Variants in RNF13 observed in about 807,000 individuals in gnomAD.
The protein encoded by RNF13 is E3 ubiquitin-protein ligase RNF13.
A neutral mutation model predicts 37.7 loss-of-function variants in RNF13; 19 were observed. The observed-to-expected ratio is 0.50, with a 90% CI of 0.35 to 0.74. The LOEUF is 0.74. RNF13 is among the 30% of genes least tolerant of loss of function. RNF13 has a pLI of 0.01. For synonymous variants in RNF13, 144 were observed against 157.8 expected (o/e 0.91, Z 0.65); for missense variants, 375 against 453.0 (o/e 0.83, Z 1.56).
intron 8 of RNF13, among the ~76,000 whole-genome samples, chr3:149,946,690 G>A (rs1335316139): frequency 6.6e-6 from 1 of 152,090 alleles, no homozygotes. Flanking sequence ...AGCTATTTCA[G>A]TCTTCTCTCC....
chr3:149,858,489 C>T (rs1358205340), intron 3 of RNF13, among the ~76,000 whole-genome samples: 2 of 152,174 alleles, frequency 1.3e-5, no homozygotes, highest in African/African-American at 2.4e-5. Context: ...CAAGATTTAT[C>T]TCTGATAAGG....
chr3:149,903,224 A>G (rs1394397449), intron 6 of RNF13, among the ~76,000 whole-genome samples: 1 of 152,056 alleles, frequency 6.6e-6, no homozygotes, highest in Non-Finnish European at 1.5e-5. Flanking sequence ...CAGTTATGCA[A>G]AGTGGTGTTT....
At chr3:149,865,169 C>CT (rs1320037827) in intron 3 of RNF13, among the ~76,000 whole-genome samples, 1 of 151,216 alleles carries the variant, frequency 6.6e-6, no homozygotes, top group African/African-American at 2.4e-5. Context: ...CCAGTGTGAT[C>CT]TAAGAAATAA....
chr3:149,858,455 T>A (rs1723881891), intron 3 of RNF13, among the ~76,000 whole-genome samples: 2 of 152,236 alleles, frequency 1.3e-5, no homozygotes, highest in Admixed American at 1.3e-4. Context: ...GTGGAGGAGA[T>A]AATGATTGTT....
chr3:149,820,227 G>GT (rs1200298550), intron 1 of RNF13, among the ~76,000 whole-genome samples: 9 of 148,662 alleles, frequency 6.1e-5, no homozygotes, highest in African/African-American at 1.5e-4. Flanking sequence ...TTTTTTTTTT[G>GT]TTTTTTTAAA....
chr3:149,828,847 A>G (rs1338908134), intron 1 of RNF13, among the ~76,000 whole-genome samples: 1 of 152,226 alleles, frequency 6.6e-6, no homozygotes, highest in Non-Finnish European at 1.5e-5. Flanking sequence ...AAGTCAAATT[A>G]TAGGTTTTCT....
chr3:149,934,195 A>G (rs1300049343), intron 8 of RNF13, among the ~76,000 whole-genome samples: 1 of 152,064 alleles, frequency 6.6e-6, no homozygotes, highest in Admixed American at 6.5e-5. Flanking sequence ...TCTGATGATC[A>G]TTATATTCTA....
chr3:149,888,406 C>T (rs1714289586), intron 4 of RNF13, among the ~76,000 whole-genome samples: 1 of 152,084 alleles, frequency 6.6e-6, no homozygotes. Context: ...ATATCTTTTG[C>T]CCATTATCTG....
intron 3 of RNF13, among the ~76,000 whole-genome samples, chr3:149,865,256 A>C (rs1252384492): frequency 6.6e-6 from 1 of 150,904 alleles, no homozygotes; most frequent in Non-Finnish European, 1.5e-5. Flanking sequence ...CAATGGTTAC[A>C]GTAGACTGGA....
At chr3:149,890,591 G>T (rs1026938325) in intron 4 of RNF13, among the ~76,000 whole-genome samples, 1 of 152,090 alleles carries the variant, frequency 6.6e-6, no homozygotes, top group Non-Finnish European at 1.5e-5. Context: ...TAAATCACTT[G>T]CATGTCTAAT....
intron 4 of RNF13, among the ~76,000 whole-genome samples, chr3:149,876,287 T>G (rs554480917): frequency 7.9e-4 from 121 of 152,334 alleles, no homozygotes; most frequent in Non-Finnish European, 1.2e-3. Flanking sequence ...TATGTGTGAA[T>G]GAGTATTTTT....
At chr3:149,837,725 A>G (rs1382240414) in intron 1 of RNF13, among the ~76,000 whole-genome samples, 1 of 152,210 alleles carries the variant, frequency 6.6e-6, no homozygotes, top group Admixed American at 6.5e-5. Flanking sequence ...ATGGGAATTC[A>G]AGATGAGATT....
chr3:149,897,649 T>G (rs1010942693), intron 5 of RNF13, among the ~76,000 whole-genome samples: 1 of 152,204 alleles, frequency 6.6e-6, no homozygotes, highest in African/African-American at 2.4e-5. Context: ...GCGCATGTGT[T>G]TAAACGTTTT....
chr3:149,860,673 C>T (rs1325216715), intron 3 of RNF13, among the ~76,000 whole-genome samples: 1 of 151,974 alleles, frequency 6.6e-6, no homozygotes, highest in Non-Finnish European at 1.5e-5. Context: ...TGGAAGAAAA[C>T]ATATGGAAAA....
chr3:149,914,685 A>G (rs1410592842), intron 7 of RNF13, among the ~76,000 whole-genome samples: 1 of 152,154 alleles, frequency 6.6e-6, no homozygotes, highest in African/African-American at 2.4e-5. Flanking sequence ...CTGTAATCCC[A>G]GCACTTTGGG....
At chr3:149,872,985 GT>G (rs1486698765) in intron 4 of RNF13, among the ~76,000 whole-genome samples, 2 of 152,182 alleles carry the variant, frequency 1.3e-5, no homozygotes, top group African/African-American at 4.8e-5. Context: ...CTTTATGTTA[GT>G]TCCAAATATA....
At chr3:149,883,177 C>G (rs1466937058) in intron 4 of RNF13, among the ~76,000 whole-genome samples, 1 of 152,038 alleles carries the variant, frequency 6.6e-6, no homozygotes, top group Non-Finnish European at 1.5e-5. Flanking sequence ...TTTCAGGATC[C>G]AATCATGAAT....
chr3:149,935,983 G>A (rs1368550918), intron 8 of RNF13, among the ~76,000 whole-genome samples: 1 of 150,610 alleles, frequency 6.6e-6, no homozygotes, highest in African/African-American at 2.4e-5. Flanking sequence ...CTCATTTATG[G>A]TTGAAGGATA....
At chr3:149,835,818 G>T (rs749847993) in intron 1 of RNF13, among the ~76,000 whole-genome samples, 2 of 151,336 alleles carry the variant, frequency 1.3e-5, no homozygotes, top group Non-Finnish European at 2.9e-5. Context: ...TTTCTCCTGG[G>T]TTGGGATTGC....
Sources: gnomAD v4.1 joint callset for allele counts (sites outside exome capture counted in the v4.1 genomes callset) on GRCh38, gnomAD v4.1.1 for gene constraint, MANE v1.5 for transcripts, NCBI Gene and HGNC (gene_info 2026-07-23, HGNC 2026-07-21) for gene names.